The following TMEM132D variants were observed in gnomAD, a reference collection of about 807,000 sequenced individuals.
TMEM132D encodes the protein transmembrane protein 132D.
TMEM132D carries 21 observed loss-of-function variants against 62.3 expected under a neutral mutation model. The observed-to-expected ratio is 0.34, with a 90% CI of 0.24 to 0.49. The LOEUF is 0.49. TMEM132D is among the 20% of genes least tolerant of loss of function. The pLI is 0.99. For missense variants in TMEM132D, 1,346 were observed against 1,402.8 expected (o/e 0.96, Z 0.65); for synonymous variants, 621 against 575.6 (o/e 1.08, Z -1.13).
intron 5 of TMEM132D, among the ~76,000 whole-genome samples, chr12:129,194,136 A>T (rs1038319902): frequency 6.6e-6 from 1 of 152,226 alleles, no homozygotes; most frequent in Admixed American, 6.5e-5. Context: ...TTAAGCTGAT[A>T]AAGAATTTCA....
At chr12:129,606,806 A>T (rs1205356301) in intron 2 of TMEM132D, among the ~76,000 whole-genome samples, 1 of 152,178 alleles carries the variant, frequency 6.6e-6, no homozygotes, top group Non-Finnish European at 1.5e-5. Context: ...TAAACATCTG[A>T]GTATATTATC....
chr12:129,299,420 CTTTT>C (rs34775349), intron 4 of TMEM132D, among the ~76,000 whole-genome samples: 1 of 127,654 alleles, frequency 7.8e-6, no homozygotes, highest in African/African-American at 2.9e-5. Context: ...CATAGTTGAA[CTTTT>C]TTTTTTTTTT....
At chr12:129,433,433 A>T (rs1486710056) in intron 3 of TMEM132D, among the ~76,000 whole-genome samples, 1 of 152,190 alleles carries the variant, frequency 6.6e-6, no homozygotes, top group African/African-American at 2.4e-5. Context: ...TTTGATATAA[A>T]ATTGTTTATT....
chr12:129,202,310 C>A (rs1878727633), intron 5 of TMEM132D, among the ~76,000 whole-genome samples: 1 of 152,196 alleles, frequency 6.6e-6, no homozygotes, highest in Non-Finnish European at 1.5e-5. Context: ...TTCTTAACAG[C>A]CTCCAAATGA....
At chr12:129,355,709 G>A (rs997197806) in intron 3 of TMEM132D, among the ~76,000 whole-genome samples, 1 of 152,102 alleles carries the variant, frequency 6.6e-6, no homozygotes, top group Non-Finnish European at 1.5e-5. Context: ...TTAAAAAGCC[G>A]TTCCCGTGTT....
intron 2 of TMEM132D, among the ~76,000 whole-genome samples, chr12:129,610,244 T>C (rs1233428026): frequency 7.1e-6 from 1 of 140,164 alleles, no homozygotes; most frequent in Non-Finnish European, 1.5e-5. Flanking sequence ...ACCATTGCAC[T>C]CCAGCCTGGG....
At chr12:129,669,893 G>A (rs1437778575) in intron 2 of TMEM132D, among the ~76,000 whole-genome samples, 4 of 152,134 alleles carry the variant, frequency 2.6e-5, no homozygotes, top group Admixed American at 2.6e-4. Context: ...TGCCATGCAA[G>A]TCTTGAACAC....
chr12:129,790,590 A>G (rs1452159440), intron 1 of TMEM132D, among the ~76,000 whole-genome samples: 2 of 152,096 alleles, frequency 1.3e-5, no homozygotes, highest in Non-Finnish European at 2.9e-5. Context: ...TCTGCTCTCC[A>G]TAAGTGGAGC....
chr12:129,697,195 C>T (rs917993891), intron 2 of TMEM132D, among the ~76,000 whole-genome samples: 1 of 152,132 alleles, frequency 6.6e-6, no homozygotes, highest in Non-Finnish European at 1.5e-5. Flanking sequence ...CATATTTGCA[C>T]AGTCACAGTT....
intron 4 of TMEM132D, among the ~76,000 whole-genome samples, chr12:129,218,904 G>A (rs758039056): frequency 2.0e-5 from 3 of 152,208 alleles, no homozygotes; most frequent in Non-Finnish European, 4.4e-5. Flanking sequence ...CAAGGTTGCA[G>A]TGGTGCCCAG....
chr12:129,709,938 A>C (rs902669902), intron 1 of TMEM132D, among the ~76,000 whole-genome samples: 3 of 152,222 alleles, frequency 2.0e-5, no homozygotes, highest in Admixed American at 1.3e-4. Flanking sequence ...ATACTCATTG[A>C]AAATTTATTT....
At chr12:129,718,730 G>A (rs980576431) in intron 1 of TMEM132D, among the ~76,000 whole-genome samples, 9 of 152,052 alleles carry the variant, frequency 5.9e-5, no homozygotes, top group African/African-American at 1.9e-4. Context: ...GCCATTTGCC[G>A]GCTTTCCCTC....
intron 3 of TMEM132D, among the ~76,000 whole-genome samples, chr12:129,367,569 G>T (rs1870456671): frequency 6.6e-6 from 1 of 152,124 alleles, no homozygotes; most frequent in African/African-American, 2.4e-5. Context: ...GTCTTCTTCA[G>T]GTGTGACGGG....
intron 3 of TMEM132D, among the ~76,000 whole-genome samples, chr12:129,523,896 A>G (rs771920894): frequency 6.6e-6 from 1 of 152,194 alleles, no homozygotes; most frequent in Non-Finnish European, 1.5e-5. Context: ...GGCAATGTAG[A>G]TAAGCTTACA....
At chr12:129,530,094 G>T (rs1369904334) in intron 3 of TMEM132D, among the ~76,000 whole-genome samples, 2 of 152,014 alleles carry the variant, frequency 1.3e-5, no homozygotes, top group East Asian at 1.9e-4. Context: ...AACCAACATC[G>T]AGCAAAGAAG....
chr12:129,212,978 G>A (rs1012521961), intron 4 of TMEM132D, among the ~76,000 whole-genome samples: 3 of 152,176 alleles, frequency 2.0e-5, no homozygotes, highest in African/African-American at 7.2e-5. Flanking sequence ...CCTGGAAGTA[G>A]ATCCTGGGAC....
intron 2 of TMEM132D, among the ~76,000 whole-genome samples, chr12:129,548,626 G>T (rs1460262712): frequency 1.6e-4 from 24 of 152,108 alleles, no homozygotes; most frequent in Admixed American, 1.6e-3. Flanking sequence ...CATCACAGAA[G>T]AGCCTGCTGA....
chr12:129,221,833 G>A (rs1265435628), intron 4 of TMEM132D, among the ~76,000 whole-genome samples: 2 of 152,200 alleles, frequency 1.3e-5, no homozygotes, highest in African/African-American at 2.4e-5. Flanking sequence ...AATAACAAAC[G>A]CTGCGACAAT....
chr12:129,316,335 T>A (rs1434110941), intron 4 of TMEM132D, among the ~76,000 whole-genome samples: 1 of 152,186 alleles, frequency 6.6e-6, no homozygotes, highest in Non-Finnish European at 1.5e-5. Flanking sequence ...GAGGTTTTGA[T>A]TGGTTGTGCC....
Sources: gnomAD v4.1 joint callset for allele counts (sites outside exome capture counted in the v4.1 genomes callset) on GRCh38, gnomAD v4.1.1 for gene constraint, MANE v1.5 for transcripts, NCBI Gene and HGNC (gene_info 2026-07-23, HGNC 2026-07-21) for gene names.